Variants in ADK observed in about 807,000 individuals in gnomAD.
ADK encodes the protein adenosine kinase.
Under a neutral mutation model 44.7 loss-of-function variants are expected in ADK, and 24 were observed. The observed-to-expected ratio is 0.54, with a 90% CI of 0.39 to 0.76. ADK has a LOEUF of 0.76. Ranked by LOEUF, ADK falls within the 30% of genes least tolerant of loss-of-function variation. ADK has a pLI of 0.00. For synonymous variants in ADK, 128 were observed against 142.6 expected (o/e 0.90, Z 0.73); for missense variants, 321 against 425.1 (o/e 0.76, Z 2.15).
chr10:74,358,591 G>A (rs1463109153), intron 4 of ADK, among the ~76,000 whole-genome samples: 1 of 152,122 alleles, frequency 6.6e-6, no homozygotes, highest in South Asian at 2.1e-4. Context: ...CCATACCCAC[G>A]TAAGTAGATA....
At chr10:74,180,973 T>A (rs1235508858) in intron 1 of ADK, among the ~76,000 whole-genome samples, 1 of 152,246 alleles carries the variant, frequency 6.6e-6, no homozygotes, top group Non-Finnish European at 1.5e-5. Context: ...TAAAGCATTT[T>A]AAAAATAGAA....
At chr10:74,471,314 T>A (rs1846581850) in intron 6 of ADK, among the ~76,000 whole-genome samples, 5 of 152,194 alleles carry the variant, frequency 3.3e-5, no homozygotes, top group Admixed American at 3.3e-4. Context: ...GACCTCGTGA[T>A]CCACCTGCCT....
intron 10 of ADK, among the ~76,000 whole-genome samples, chr10:74,702,524 T>TTTCCTTCCTCCC (rs1856462773): frequency 8.3e-6 from 1 of 120,818 alleles, no homozygotes; most frequent in Admixed American, 9.2e-5. Flanking sequence ...TCCTTCCTTC[T>TTTCCTTCCTCCC]TTCCTTCCTT....
intron 7 of ADK, among the ~76,000 whole-genome samples, chr10:74,545,577 T>G (rs1488318282): frequency 6.6e-6 from 1 of 152,218 alleles, no homozygotes; most frequent in Non-Finnish European, 1.5e-5. Context: ...ATTCCAGAGT[T>G]GACTGGTTCC....
chr10:74,681,849 C>CA (rs34381749), intron 10 of ADK, among the ~76,000 whole-genome samples: 3,728 of 92,944 alleles, frequency 0.04, 89 homozygotes, highest in African/African-American at 0.07. Flanking sequence ...GACTCCATCT[C>CA]AAAAAAAAAA....
At chr10:74,380,554 T>C (rs985817176) in intron 4 of ADK, among the ~76,000 whole-genome samples, 2 of 151,960 alleles carry the variant, frequency 1.3e-5, no homozygotes, top group African/African-American at 4.8e-5. Flanking sequence ...GTCAGGAGAT[T>C]GAGACCATCC....
At chr10:74,235,126 C>T (rs1354776525) in intron 3 of ADK, among the ~76,000 whole-genome samples, 1 of 110,282 alleles carries the variant, frequency 9.1e-6, no homozygotes. Flanking sequence ...TTGAAATTAT[C>T]CCTTTTTTTT....
chr10:74,371,059 A>C (rs774719348), intron 4 of ADK, among the ~76,000 whole-genome samples: 1 of 152,238 alleles, frequency 6.6e-6, no homozygotes, highest in Non-Finnish European at 1.5e-5. Context: ...ATGATGAAAG[A>C]TCAATTTTCA....
At chr10:74,207,335 G>A (rs111390637) in intron 2 of ADK, among the ~76,000 whole-genome samples, 4,858 of 152,264 alleles carry the variant, frequency 0.032, 278 homozygotes, top group African/African-American at 0.11. Flanking sequence ...TTTCCTTCTT[G>A]TTGCCTGCAA....
chr10:74,572,493 C>T (rs1327117635), intron 7 of ADK, among the ~76,000 whole-genome samples: 1 of 152,098 alleles, frequency 6.6e-6, no homozygotes, highest in African/African-American at 2.4e-5. Flanking sequence ...TGGAGTTGCT[C>T]TTCTCGAGGA....
intron 4 of ADK, among the ~76,000 whole-genome samples, chr10:74,342,331 C>T (rs1841607619): frequency 6.6e-6 from 1 of 152,146 alleles, no homozygotes; most frequent in Admixed American, 6.5e-5. Context: ...TTGTAGTTTT[C>T]AGAGTATAAA....
intron 9 of ADK, among the ~76,000 whole-genome samples, chr10:74,663,440 G>C (rs1854827166): frequency 6.6e-6 from 1 of 151,770 alleles, no homozygotes; most frequent in Non-Finnish European, 1.5e-5. Context: ...AAATAAAATA[G>C]CTAAGCCCGA....
chr10:74,285,674 C>T (rs1847136524), intron 3 of ADK, among the ~76,000 whole-genome samples: 1 of 151,876 alleles, frequency 6.6e-6, no homozygotes, highest in Non-Finnish European at 1.5e-5. Flanking sequence ...GAGTGAGACC[C>T]TGTCTCAAAC....
chr10:74,243,129 T>C (rs7067813), intron 3 of ADK, among the ~76,000 whole-genome samples: 4,857 of 152,284 alleles, frequency 0.032, 273 homozygotes, highest in African/African-American at 0.11. Context: ...GCTGTTAACA[T>C]GCACACAGAC....
chr10:74,266,753 A>G (rs1172553410), intron 3 of ADK, among the ~76,000 whole-genome samples: 2 of 152,154 alleles, frequency 1.3e-5, no homozygotes, highest in African/African-American at 2.4e-5. Context: ...GTAATAGTTC[A>G]TTTCTTTCTA....
chr10:74,244,198 T>C (rs1845329969), intron 3 of ADK, among the ~76,000 whole-genome samples: 1 of 152,236 alleles, frequency 6.6e-6, no homozygotes, highest in African/African-American at 2.4e-5. Context: ...TGATTTAGAA[T>C]TGTTATGCAG....
chr10:74,297,615 A>G (rs1037540665), intron 3 of ADK, among the ~76,000 whole-genome samples: 6 of 152,214 alleles, frequency 3.9e-5, no homozygotes, highest in Non-Finnish European at 7.3e-5. Context: ...GGGGTTGGCA[A>G]ACTATGAGCT....
chr10:74,525,907 A>G (rs951330906), intron 7 of ADK, among the ~76,000 whole-genome samples: 1 of 152,048 alleles, frequency 6.6e-6, no homozygotes, highest in African/African-American at 2.4e-5. Context: ...TGATCGCCTC[A>G]GCCTCCCAAA....
chr10:74,415,886 A>T (rs923281330), intron 6 of ADK, among the ~76,000 whole-genome samples: 2 of 152,002 alleles, frequency 1.3e-5, no homozygotes, highest in African/African-American at 4.8e-5. Context: ...TATTGTTGGC[A>T]TGTAATGGAA....
Sources: gnomAD v4.1 joint callset for allele counts (sites outside exome capture counted in the v4.1 genomes callset) on GRCh38, gnomAD v4.1.1 for gene constraint, MANE v1.5 for transcripts, NCBI Gene and HGNC (gene_info 2026-07-23, HGNC 2026-07-21) for gene names.